BACH2: variants seen among roughly 807,000 people sequenced by gnomAD.
BACH2 encodes BACH transcriptional regulator 2.
Under a neutral mutation model 61.8 loss-of-function variants are expected in BACH2, and 5 were observed. The ratio of observed to expected loss-of-function variants is 0.08; its 90% confidence interval spans 0.04 to 0.17. The LOEUF (loss-of-function observed/expected upper bound fraction) is 0.17, where lower values mean the gene tolerates loss of function less well. Ranked by LOEUF, BACH2 falls within the 10% of genes least tolerant of loss-of-function variation. The probability of loss-of-function intolerance (pLI) is 1.00; values close to 1 mark genes in which losing one functional copy is unlikely to be tolerated. For missense variants in BACH2, 824 were observed against 1,091.1 expected (o/e 0.76, Z 3.45); for synonymous variants, 446 against 440.1 (o/e 1.01, Z -0.17).
At chr6:89,983,118 A>G (rs1718859249) in intron 6 of BACH2, among the ~76,000 whole-genome samples, 1 of 152,162 alleles carries the variant, frequency 6.6e-6, no homozygotes, top group South Asian at 2.1e-4. Flanking sequence ...GGAATATCCT[A>G]AATGTTTATA....
chr6:89,932,986 C>G, intron 8 of BACH2, 96 bp from the exon 9 acceptor site: 1 of 1,331,302 alleles, frequency 7.5e-7, no homozygotes, highest in Admixed American at 2.5e-5. Context: ...TTTGCATCCT[C>G]CATTATAATG....
In BACH2 at chr6:90,014,420, T is replaced by TTGTGTGTGTGTGTGTG. The variant is rs764203742; in HGVS notation, c.-12-5580_-12-5565dup. Among the ~76,000 whole-genome samples, 62 of 76,814 alleles carry TTGTGTGTGTGTGTGTG rather than the reference T, an allele frequency of 8.1e-4. 1 individual carries two copies. The highest frequency in any genetic ancestry group is 2.4e-3 in the African/African-American group (31 of 13,096). The allele number at this position is 76,814 out of a possible 152,430, so 50.4% of individuals were successfully genotyped here. A position where few individuals can be genotyped will look rare whatever the true frequency, so the allele number is the denominator to read the frequency against. On this transcript the variant is annotated intron_variant, in intron 5 of 8. Transcript: ENST00000257749. ...AATTGTCAAATTTATTGGCATAAAATTGTGTGTGTGTGTGTGTGTGTATAT... is the reference window on the plus strand; with the variant it reads ...AATTGTCAAATTTATTGGCATAAAATTGTGTGTGTGTGTGTGTGTGTGTGTGTGTGTGTGTGTATAT...
At chr6:90,103,886 T>C (rs1204504010) in intron 4 of BACH2, among the ~76,000 whole-genome samples, 2 of 152,194 alleles carry the variant, frequency 1.3e-5, no homozygotes, top group Non-Finnish European at 2.9e-5. Flanking sequence ...ATATATGTAT[T>C]TACAAATTTG....
intron 3 of BACH2, among the ~76,000 whole-genome samples, chr6:90,224,941 T>C (rs1769861482): frequency 6.6e-6 from 1 of 152,194 alleles, no homozygotes; most frequent in Admixed American, 6.5e-5. Flanking sequence ...AGTTAGAATT[T>C]AAAAGGCTGG....
chr6:90,142,999 C>T (rs1373208994), intron 4 of BACH2, among the ~76,000 whole-genome samples: 1 of 152,148 alleles, frequency 6.6e-6, no homozygotes, highest in East Asian at 1.9e-4. Context: ...TGGGTGACAG[C>T]CAGTTGCAAG....
intron 5 of BACH2, among the ~76,000 whole-genome samples, chr6:90,036,571 C>T (rs890126640): frequency 3.9e-5 from 6 of 152,088 alleles, no homozygotes; most frequent in Non-Finnish European, 5.9e-5. Flanking sequence ...TTTTATTATG[C>T]TTATTTCATT....
chr6:90,163,735 G>A (rs181410107), intron 4 of BACH2, among the ~76,000 whole-genome samples: 1 of 152,304 alleles, frequency 6.6e-6, no homozygotes, highest in African/African-American at 2.4e-5. Context: ...TAGTTTCCCA[G>A]AGAGCTGAAG....
intron 5 of BACH2, among the ~76,000 whole-genome samples, chr6:90,031,309 T>G (rs1411691188): frequency 6.6e-6 from 1 of 152,110 alleles, no homozygotes; most frequent in Non-Finnish European, 1.5e-5. Context: ...AGGGATGCCC[T>G]CTCTCACCAC....
chr6:90,161,693 GA>G lies in BACH2; in HGVS notation c.-162+44875del, dbSNP rs962551481. 5.3e-5 allele frequency among the ~76,000 whole-genome samples: 8 copies of G among 151,750 alleles called. 1 individual carries two copies. The highest frequency in any genetic ancestry group is 7.3e-5 in the African/African-American group (3 of 41,304). ...TACCATCAGTTGGCATTATTCTGGG[GA>G]AAAAAAATATCAGAATGCTTAGCAA... On this transcript the variant is annotated intron_variant, in intron 4 of 8. Coordinates refer to ENST00000257749, the MANE Select transcript of BACH2 (RefSeq NM_021813.4).
intron 1 of BACH2, among the ~76,000 whole-genome samples, chr6:90,275,945 G>C (rs542038638): frequency 6.6e-6 from 1 of 151,660 alleles, no homozygotes; most frequent in Admixed American, 6.6e-5. Flanking sequence ...CTCCAGCCTG[G>C]GTGACAGGGC....
chr6:90,240,768 A>G (rs566232974), intron 3 of BACH2, among the ~76,000 whole-genome samples: 4 of 152,110 alleles, frequency 2.6e-5, no homozygotes, highest in Non-Finnish European at 5.9e-5. Context: ...CCAAATTCCT[A>G]TCTCTTGCAT....
At chr6:90,003,415 T>G (rs1777238648) in intron 6 of BACH2, among the ~76,000 whole-genome samples, 3 of 152,164 alleles carry the variant, frequency 2.0e-5, no homozygotes, top group Admixed American at 1.3e-4. Flanking sequence ...TGATCACTCT[T>G]CTTAAAATTG....
intron 7 of BACH2, among the ~76,000 whole-genome samples, chr6:89,946,358 ACT>A (rs933015553): frequency 1.3e-5 from 2 of 152,168 alleles, no homozygotes; most frequent in Non-Finnish European, 2.9e-5. Flanking sequence ...GAAATTGGAC[ACT>A]CTAAGTTGCT....
intron 5 of BACH2, among the ~76,000 whole-genome samples, chr6:90,076,121 C>A (rs1205909924): frequency 6.6e-6 from 1 of 152,058 alleles, no homozygotes; most frequent in East Asian, 1.9e-4. Flanking sequence ...AGTTCTTTCA[C>A]AAAATGAAAT....
intron 5 of BACH2, among the ~76,000 whole-genome samples, chr6:90,078,698 C>T (rs1466914990): frequency 6.6e-6 from 1 of 152,148 alleles, no homozygotes; most frequent in Non-Finnish European, 1.5e-5. Flanking sequence ...ATCCCCACAA[C>T]CACCCTCTCA....
Position 90,085,002 on chromosome 6 carries a change from A to G in BACH2, c.-13+3959T>C, listed in dbSNP as rs930005221. 5.3e-5 allele frequency among the ~76,000 whole-genome samples: 8 copies of G among 152,122 alleles called. 1 individual carries two copies. The highest frequency in any genetic ancestry group is 1.9e-4 in the African/African-American group (8 of 41,428). Reference sequence around the variant, plus strand: ...CCCATAAAACTGTTGATTGTTCTTCAAAGCCAAATTTCTAGAAATGTAGAA... The same window carrying G: ...CCCATAAAACTGTTGATTGTTCTTCGAAGCCAAATTTCTAGAAATGTAGAA... On this transcript the variant is annotated intron_variant, in intron 5 of 8. Coordinates refer to ENST00000257749, the MANE Select transcript of BACH2 (RefSeq NM_021813.4).
At chr6:90,229,101 C>G (rs556221053) in intron 3 of BACH2, among the ~76,000 whole-genome samples, 3 of 152,338 alleles carry the variant, frequency 2.0e-5, no homozygotes, top group African/African-American at 7.2e-5. Context: ...TGTTCAAACT[C>G]TGCTACACAT....
chr6:90,079,337 T>C (rs1456704360), intron 5 of BACH2, among the ~76,000 whole-genome samples: 3 of 152,330 alleles, frequency 2.0e-5, no homozygotes, highest in South Asian at 4.1e-4. Context: ...ACCATTAAGA[T>C]ATCCTTTCCT....
intron 3 of BACH2, among the ~76,000 whole-genome samples, chr6:90,237,794 A>C (rs550414032): frequency 2.6e-5 from 4 of 152,342 alleles, no homozygotes; most frequent in South Asian, 4.1e-4. Context: ...AAAGGCCACA[A>C]GGGGATGTTG....
Sources: gnomAD v4.1 joint callset for allele counts (sites outside exome capture counted in the v4.1 genomes callset) on GRCh38, gnomAD v4.1.1 for gene constraint, MANE v1.5 for transcripts, NCBI Gene and HGNC (gene_info 2026-07-23, HGNC 2026-07-21) for gene names.